The following ERP44 variants were observed in gnomAD, a reference collection of about 807,000 sequenced individuals.
The protein encoded by ERP44 is endoplasmic reticulum resident protein 44.
Under a neutral mutation model 53.4 loss-of-function variants are expected in ERP44, and 25 were observed. The observed-to-expected ratio is 0.47, with a 90% confidence interval of 0.34 to 0.65. The LOEUF is 0.65. Ranked by LOEUF, ERP44 falls within the 30% of genes least tolerant of loss-of-function variation. The probability of loss-of-function intolerance (pLI) is 0.01; values close to 1 mark genes in which losing one functional copy is unlikely to be tolerated. For missense variants in ERP44, 338 were observed against 493.2 expected (o/e 0.69, Z 2.98); for synonymous variants, 145 against 161.2 (o/e 0.90, Z 0.76).
rs541674478 is a variant in ERP44 at position 100,047,850 on chromosome 9, T to C, written c.286+4567A>G. ...ATCATATATATGAGGGGTGAATATCTAGAATATACAAAGAACTCCTACAAC... is the reference window on the plus strand; with the variant it reads ...ATCATATATATGAGGGGTGAATATCCAGAATATACAAAGAACTCCTACAAC... On this transcript the variant is annotated intron_variant, in intron 4 of 11. Coordinates refer to ENST00000262455, the MANE Select transcript of ERP44 (RefSeq NM_015051.3). Among the ~76,000 whole-genome samples, 3 of 152,228 alleles carry C rather than the reference T, an allele frequency of 2.0e-5. 1 individual carries two copies. In the South Asian group the frequency reaches 6.2e-4, roughly 32 times the overall value.
chr9:100,043,676 C>T (rs1825937962), intron 4 of ERP44, among the ~76,000 whole-genome samples: 1 of 151,822 alleles, frequency 6.6e-6, no homozygotes, highest in Non-Finnish European at 1.5e-5. Flanking sequence ...AATCGCTTGA[C>T]CACTGGAGGC....
At chr9:100,043,291 A>AGAAAAAAAAAAAAAG (rs1554708805) in intron 4 of ERP44, among the ~76,000 whole-genome samples, 1 of 74,878 alleles carries the variant, frequency 1.3e-5, no homozygotes, top group Non-Finnish European at 2.3e-5. Context: ...AAAAAAAAAA[A>AGAAAAAAAAAAAAAG]GATAAATAAG....
At chr9:100,060,502 T>A (rs1826134467) in intron 1 of ERP44, among the ~76,000 whole-genome samples, 1 of 152,226 alleles carries the variant, frequency 6.6e-6, no homozygotes, top group Admixed American at 6.5e-5. Context: ...AAAAAATTTG[T>A]GAGATTATCA....
chr9:100,005,332 T>C (rs1471381376), intron 10 of ERP44, among the ~76,000 whole-genome samples: 1 of 152,220 alleles, frequency 6.6e-6, no homozygotes, highest in Non-Finnish European at 1.5e-5. Flanking sequence ...GTTAACCTGG[T>C]TGTCCCTTTC....
chr9:100,001,082 C>T (rs1034121347), intron 10 of ERP44, among the ~76,000 whole-genome samples: 2 of 152,036 alleles, frequency 1.3e-5, no homozygotes, highest in Admixed American at 1.3e-4. Flanking sequence ...TTAAAATTTC[C>T]CTTTTAAATT....
chr9:100,088,043 A>AAAAG (rs1826505888), intron 1 of ERP44, among the ~76,000 whole-genome samples: 1 of 74,120 alleles, frequency 1.3e-5, no homozygotes, highest in Non-Finnish European at 2.3e-5. Context: ...CCCCTCCTGT[A>AAAAG]ACAGAGAATC....
intron 1 of ERP44, among the ~76,000 whole-genome samples, chr9:100,082,227 T>G (rs1826434931): frequency 6.6e-6 from 1 of 152,058 alleles, no homozygotes; most frequent in Non-Finnish European, 1.5e-5. Flanking sequence ...AGTTAAAATA[T>G]ACATGCAATG....
At chr9:100,000,902 G>A (rs905276859) in intron 10 of ERP44, among the ~76,000 whole-genome samples, 3 of 151,776 alleles carry the variant, frequency 2.0e-5, no homozygotes, top group African/African-American at 7.3e-5. Flanking sequence ...ATTTGGGCTT[G>A]GTTTGTTCTT....
At chr9:99,999,075 G>A (rs1463351770) in intron 10 of ERP44, 3 of 713,614 alleles carry the variant, frequency 4.2e-6, no homozygotes, top group African/African-American at 3.5e-5. Context: ...CGCCTGCAGG[G>A]AGCGCACGGC....
chr9:100,001,595 T>C (rs1174506698), intron 10 of ERP44, among the ~76,000 whole-genome samples: 1 of 152,190 alleles, frequency 6.6e-6, no homozygotes, highest in Non-Finnish European at 1.5e-5. Flanking sequence ...ATGACCTTGC[T>C]TTACAGTTTT....
chr9:100,042,895 G>A (rs1271993882), intron 4 of ERP44, among the ~76,000 whole-genome samples: 3 of 151,824 alleles, frequency 2.0e-5, no homozygotes, highest in African/African-American at 7.3e-5. Flanking sequence ...ATAGAAGGAT[G>A]GTTACCAAAG....
rs1381934912 is a variant in ERP44 at position 100,079,160 on chromosome 9, GGT to G, written c.58-18990_58-18989del. On this transcript the variant is annotated intron_variant, in intron 1 of 11. Transcript: ENST00000262455. The stretch of plus-strand genomic sequence containing the variant: ...GAAAGGCAGACCCACCCCTAATCTG[GGT>G]GGGCACTATTTAATCAGCTGCCAGC... 2.6e-5 allele frequency among the ~76,000 whole-genome samples: 4 copies of G among 152,200 alleles called. No homozygotes were observed. The East Asian group carries it at 7.7e-4, about 29-fold the overall frequency.
chr9:100,009,941 C>CT (rs1156461532), intron 8 of ERP44, among the ~76,000 whole-genome samples: 1 of 47,168 alleles, frequency 2.1e-5, no homozygotes, highest in Non-Finnish European at 4.9e-5. Flanking sequence ...AAGGAAAATT[C>CT]TTTTTTCTAA....
At chr9:100,043,252 C>CT (rs1564096296) in intron 4 of ERP44, among the ~76,000 whole-genome samples, 3 of 21,918 alleles carry the variant, frequency 1.4e-4, no homozygotes, top group Admixed American at 1.9e-3. Flanking sequence ...GAGCGAGACT[C>CT]TGTCTCAAAA....
At chr9:100,080,908 A>G (rs914872887) in intron 1 of ERP44, among the ~76,000 whole-genome samples, 1 of 152,150 alleles carries the variant, frequency 6.6e-6, no homozygotes, top group Non-Finnish European at 1.5e-5. Flanking sequence ...ATTGAGGAAT[A>G]TAAGATTTAA....
chr9:100,020,328 AG>A (rs1407187445), intron 6 of ERP44, among the ~76,000 whole-genome samples: 1 of 152,242 alleles, frequency 6.6e-6, no homozygotes, highest in Non-Finnish European at 1.5e-5. Context: ...TGTCTGACAT[AG>A]GGTAAGAGTT....
At chr9:99,986,129 T>C (rs1004642258) in intron 10 of ERP44, among the ~76,000 whole-genome samples, 1 of 152,224 alleles carries the variant, frequency 6.6e-6, no homozygotes, top group African/African-American at 2.4e-5. Context: ...CCTTGAGTTA[T>C]ATACAATAAA....
chr9:99,982,374 A>C lies in ERP44; in HGVS notation c.*238T>G. On this transcript the variant is annotated 3_prime_UTR_variant, in exon 12 of 12. Coordinates refer to ENST00000262455, the MANE Select transcript of ERP44 (RefSeq NM_015051.3). ...TAAAACTTTTACAGGACAGATTTAA[A>C]GTGGAGATAGGCCTCTGATTTTTAT... is the stretch of plus-strand genomic sequence containing the variant. 4.5e-6 allele frequency: 1 copy of C among 219,972 alleles called. No homozygotes were observed. Among genetic ancestry groups the C allele is most frequent in the Non-Finnish European group, 8.7e-6 (1 of 114,386 alleles). The allele number at this position is 219,972 out of a possible 1,614,324, so 13.6% of individuals were successfully genotyped here. A position where few individuals can be genotyped will look rare whatever the true frequency, so the allele number is the denominator to read the frequency against.
chr9:100,070,154 T>G (rs1826284259), intron 1 of ERP44, among the ~76,000 whole-genome samples: 1 of 152,252 alleles, frequency 6.6e-6, no homozygotes, highest in Admixed American at 6.5e-5. Context: ...ACCATTCTAC[T>G]TTGTGCTGCA....
Sources: allele counts gnomAD v4.1 joint callset (sites outside exome capture counted in the v4.1 genomes callset), GRCh38; gene constraint gnomAD v4.1.1; transcripts MANE v1.5; gene names NCBI Gene and HGNC (gene_info 2026-07-23, HGNC 2026-07-21).